Variants in TLR1 observed in about 807,000 individuals in gnomAD.
The protein encoded by TLR1 is toll-like receptor 1.
A neutral mutation model predicts 20.2 loss-of-function variants in TLR1; 19 were observed. The ratio of observed to expected loss-of-function variants is 0.94; its 90% CI spans 0.66 to 1.38. The LOEUF is 1.38. Ranked by LOEUF, TLR1 falls within the 40% of genes most tolerant of loss-of-function variation. TLR1 has a pLI of 0.00. For missense variants in TLR1, 921 were observed against 910.0 expected, an observed-to-expected ratio of 1.01 and a Z score of -0.16; for synonymous variants, 320 against 334.5, an observed-to-expected ratio of 0.96 and a Z score of 0.47.
rs371397631 is a variant in TLR1 at position 38,797,469 on chromosome 4, T to C, written c.1363A>G (p.Asn455Asp). Residue 455 changes from asparagine to aspartate, a missense_variant, in exon 4 of 4, where the codon AAT becomes GAT. Transcript: ENST00000308979. ...TGTTTAGGAATGCTCTTTATTTTATTGCTGTGAAGATCAAGTACCTTGATC... is the reference window on the plus strand; with the variant it reads ...TGTTTAGGAATGCTCTTTATTTTATCGCTGTGAAGATCAAGTACCTTGATC... Reference protein sequence around the residue: ...PRIKVLDLHSNKIKSIPKQVV... With the variant: ...PRIKVLDLHSDKIKSIPKQVV... The C allele has an allele frequency of 1.7e-5, 28 of 1,614,112 alleles. No homozygotes were observed. Among genetic ancestry groups the C allele is most frequent in the Non-Finnish European group, 2.4e-5 (28 of 1,180,054 alleles).
chr4:38,804,557 G>A (rs1304034702), intron 1 of TLR1, among the ~76,000 whole-genome samples, 175 bp from the exon 2 acceptor site: 1 of 152,194 alleles, frequency 6.6e-6, no homozygotes, highest in Non-Finnish European at 1.5e-5. Flanking sequence ...CCAGAGGAGT[G>A]TGGGGACTTT....
At chr4:38,794,481 C>G (rs1423359222), downstream of TLR1, 1 of 152,004 alleles carries the variant, frequency 6.6e-6, no homozygotes, top group East Asian at 1.9e-4. Context: ...TTTCATGAAC[C>G]TCACGGTCCA....
downstream of TLR1, among the ~76,000 whole-genome samples, chr4:38,792,863 A>G (rs965734589): frequency 6.8e-6 from 1 of 147,792 alleles, no homozygotes; most frequent in East Asian, 2.1e-4. Flanking sequence ...TTATATATAT[A>G]TATATATATA....
Position 38,796,875 on chromosome 4 carries a change from T to C in TLR1, c.1957A>G (p.Asn653Asp). The change falls in exon 4 of 4, where the codon AAT (asparagine) becomes GAT (aspartate). Residue 653 changes from asparagine to aspartate, a missense_variant. Coordinates refer to ENST00000308979, the MANE Select transcript of TLR1 (RefSeq NM_003263.4). ...TTCTCTAGGTTTGGCAATAATTCAT[T>C]CTTCACCCAGAAAGAATCGTGCCCA... ...YSGHDSFWVK[N>D]ELLPNLEKEG... The C allele has an allele frequency of 6.2e-7, 1 of 1,614,230 alleles. No homozygotes were observed. Among genetic ancestry groups the C allele is most frequent in the South Asian group, 1.1e-5 (1 of 91,086 alleles).
chr4:38,797,547 T>A lies in TLR1; in HGVS notation c.1285A>T (p.Asn429Tyr), dbSNP rs1408517412. The change falls in exon 4 of 4, where the codon AAT becomes TAT. Residue 429 changes from asparagine to tyrosine, a missense_variant. Coordinates refer to ENST00000308979, the MANE Select transcript of TLR1 (RefSeq NM_003263.4). ...CSWTKSLLSL[N>Y]MSSNILTDTI... ...TCAGTAAGTATATTTGAAGACATAT[T>A]TAAACTTAATAAACTTTTAGTCCAA... 1 of 1,613,744 alleles carries A rather than the reference T, an allele frequency of 6.2e-7. No individual in the cohort carries two copies. Among genetic ancestry groups the A allele is most frequent in the Non-Finnish European group, 8.5e-7 (1 of 1,179,942 alleles).
In TLR1 at chr4:38,796,753, G is replaced by T; in HGVS notation, c.2079C>A (p.Ser693=). 2.5e-6 allele frequency: 4 copies of T among 1,614,146 alleles called. No homozygotes were observed. The highest frequency in any genetic ancestry group is 3.4e-6 in the Non-Finnish European group (4 of 1,180,040). ...IITCIEKSYK[S]IFVLSPNFVQ... ...CAAAGTTGGGAGACAAAACAAAGAT[G>T]GACTTGTAACTCTTCTCAATGCAGG... The change falls in exon 4 of 4, where the codon TCC becomes TCA. Residue 693 remains serine, a synonymous_variant. Transcript: ENST00000308979.
At chr4:38,792,425 A>G (rs73142691), downstream of TLR1, among the ~76,000 whole-genome samples, 9,180 of 152,190 alleles carry the variant, frequency 0.06, 508 homozygotes, top group African/African-American at 0.15. Flanking sequence ...CCTAGTTGAA[A>G]TCATAGTGTA....
rs1371046623 is a variant in TLR1 at position 38,803,908 on chromosome 4, G to T, written c.-160+398C>A. Among the ~76,000 whole-genome samples the T allele has an allele frequency of 2.0e-5, 3 of 152,228 alleles. No individual in the cohort carries two copies. The South Asian group carries it at 6.2e-4, about 32-fold the overall frequency. On this transcript the variant is annotated intron_variant, in intron 2 of 3. Coordinates refer to ENST00000308979, the MANE Select transcript of TLR1 (RefSeq NM_003263.4). The stretch of plus-strand genomic sequence containing the variant: ...TACAATGAATCAATACATTTAATTT[G>T]TCTTCTTTTGGAGACTTTGGAGGCA...
At chr4:38,790,511 T>G (rs985537428), downstream of TLR1, among the ~76,000 whole-genome samples, 26 of 152,150 alleles carry the variant, frequency 1.7e-4, no homozygotes, top group African/African-American at 6.0e-4. Flanking sequence ...TCTGGAAGCT[T>G]TTACTATTGT....
Position 38,797,350 on chromosome 4 carries a change from T to C in TLR1, c.1482A>G (p.Val494=), listed in dbSNP as rs143576719. 3.3e-3 allele frequency: 5,282 copies of C among 1,614,102 alleles called. 261 individuals are homozygous for C. The East Asian group carries it at 0.1, about 31-fold the overall frequency. Residue 494 remains valine (V), a synonymous_variant, in exon 4 of 4, where the codon GTA becomes GTG. Coordinates refer to ENST00000308979, the MANE Select transcript of TLR1 (RefSeq NM_003263.4). ...AAACTGAATTGTGATCAATGATCAA[T>C]ACAGAAAGGCTGCTAAAGCTGCCAC... ...PGCGSFSSLS[V]LIIDHNSVSH... is the part of the protein sequence containing the mutation.
In TLR1 at chr4:38,798,382, G is replaced by T; in HGVS notation, c.450C>A (p.His150Gln). ...QLKFLGLSTTHLEKSSVLPIA... is the reference protein window; with the variant it reads ...QLKFLGLSTTQLEKSSVLPIA... The stretch of plus-strand genomic sequence containing the variant: ...TTGGCAGCACACTAGATTTTTCTAA[G>T]TGTGTGGTGCTCAACCCCAGAAATT... The change falls in exon 4 of 4, where the codon CAC (histidine) becomes CAA (glutamine). Residue 150 changes from histidine (H) to glutamine (Q), a missense_variant. His to Gln is a conservative substitution (Grantham distance 24). Coordinates refer to ENST00000308979, the MANE Select transcript of TLR1 (RefSeq NM_003263.4). The T allele has an allele frequency of 1.2e-6, 2 of 1,613,896 alleles. No homozygotes were observed. The highest frequency in any genetic ancestry group is 1.7e-6 in the Non-Finnish European group (2 of 1,179,936).
intron 2 of TLR1, among the ~76,000 whole-genome samples, chr4:38,803,651 C>T (rs1157726712): frequency 6.6e-6 from 1 of 152,152 alleles, no homozygotes; most frequent in Non-Finnish European, 1.5e-5. Context: ...ATATACCAAA[C>T]TTGCTAAATC....
downstream of TLR1, among the ~76,000 whole-genome samples, chr4:38,789,470 T>C (rs1335970660): frequency 1.3e-5 from 2 of 152,186 alleles, no homozygotes; most frequent in Non-Finnish European, 2.9e-5. Flanking sequence ...GTTTACTTTT[T>C]TTTTCTTTTT....
At chr4:38,804,483 C>T (rs969146155) in intron 1 of TLR1, 101 bp from the exon 2 acceptor site, 1 of 152,100 alleles carries the variant, frequency 6.6e-6, no homozygotes, top group African/African-American at 2.4e-5. Context: ...CGTGTGTGAC[C>T]CAAATATTCA....
intron 3 of TLR1, among the ~76,000 whole-genome samples, chr4:38,799,139 A>G (rs1293256529): frequency 6.6e-6 from 1 of 152,192 alleles, no homozygotes; most frequent in African/African-American, 2.4e-5. Flanking sequence ...TCACCAAAAG[A>G]TATGTCTACA....
rs1560455391 is a variant in TLR1 at position 38,796,433 on chromosome 4, A to AT, written c.*37dup. ...ATTGTTGGAACTTCCAAAAGCAGCA[A>AT]TATCAACAGGAGGAATATTTTTCAC... is the stretch of plus-strand genomic sequence containing the variant. On this transcript the variant is annotated 3_prime_UTR_variant, in exon 4 of 4. Transcript: ENST00000308979. 7.6e-6 allele frequency: 12 copies of AT among 1,582,906 alleles called. No homozygotes were observed. Among genetic ancestry groups the AT allele is most frequent in the Non-Finnish European group, 1.0e-5 (12 of 1,160,674 alleles).
At chr4:38,799,162 C>T (rs1003877005) in intron 3 of TLR1, among the ~76,000 whole-genome samples, 19 of 152,156 alleles carry the variant, frequency 1.2e-4, no homozygotes, top group African/African-American at 4.6e-4. Context: ...TTAACCATGT[C>T]CTAATCCCCA....
rs557357230 is a variant in TLR1 at position 38,799,932 on chromosome 4, A to G, written c.-68+925T>C. ...AAGTCCGAATTCTCAAGGAGTTTTT[A>G]TCTAGTGGGGAGACAGAAAATAAAT... On this transcript the variant is annotated intron_variant, in intron 3 of 3. Transcript: ENST00000308979. Among the ~76,000 whole-genome samples, 7 of 152,322 alleles carry G rather than the reference A, an allele frequency of 4.6e-5. No individual in the cohort carries two copies. The South Asian group carries it at 1.4e-3, about 32-fold the overall frequency.
chr4:38,797,562 T>C lies in TLR1; in HGVS notation c.1270A>G (p.Ser424Gly). ...EKKGDCSWTK[S>G]LLSLNMSSNI... ...GAAGACATATTTAAACTTAATAAAC[T>C]TTTAGTCCAAGAACAGTCTCCTTTC... is the stretch of plus-strand genomic sequence containing the variant. The change falls in exon 4 of 4, where the codon AGT becomes GGT. Residue 424 changes from serine (S) to glycine (G), a missense_variant. Transcript: ENST00000308979. 1 of 1,613,514 alleles carries C rather than the reference T, an allele frequency of 6.2e-7. No individual in the cohort carries two copies. Among genetic ancestry groups the C allele is most frequent in the Admixed American group, 1.7e-5 (1 of 59,894 alleles).
Sources: gnomAD v4.1 joint callset for allele counts (sites outside exome capture counted in the v4.1 genomes callset) on GRCh38, gnomAD v4.1.1 for gene constraint, MANE v1.5 for transcripts, NCBI Gene and HGNC (gene_info 2026-07-23, HGNC 2026-07-21) for gene names.